UPF2: variants seen among roughly 807,000 people sequenced by gnomAD.
UPF2 encodes the protein regulator of nonsense transcripts 2.
UPF2 carries 17 observed loss-of-function variants against 141.4 expected under a neutral mutation model. The ratio of observed to expected loss-of-function variants is 0.12; its 90% CI spans 0.08 to 0.18. UPF2 has a LOEUF of 0.18. UPF2 is among the 10% of genes least tolerant of loss of function. The probability of loss-of-function intolerance (pLI) is 1.00; values close to 1 mark genes in which losing one functional copy is unlikely to be tolerated. For missense variants in UPF2, 1,152 were observed against 1,515.9 expected (o/e 0.76, Z 3.99); for synonymous variants, 540 against 498.0 (o/e 1.08, Z -1.12).
Position 11,997,715 on chromosome 10 carries a change from T to C in UPF2, c.1801A>G (p.Arg601Gly). ...AAGAGTGCCCGTACCAACTTCTTCC[T>C]GTTTGCTTTTGTGTTCATGTTCATG... ...FCMNMNTKAN[R>G]KKLVRALFIV... Residue 601 changes from arginine (R) to glycine (G), a missense_variant, in exon 8 of 22, where the codon AGG becomes GGG. Transcript: ENST00000357604. The C allele has an allele frequency of 6.2e-7, 1 of 1,613,916 alleles. No homozygotes were observed. Among genetic ancestry groups the C allele is most frequent in the Non-Finnish European group, 8.5e-7 (1 of 1,179,876 alleles).
chr10:11,985,377 C>G (rs1833670362), intron 8 of UPF2, among the ~76,000 whole-genome samples: 1 of 152,150 alleles, frequency 6.6e-6, no homozygotes, highest in African/African-American at 2.4e-5. Flanking sequence ...GTGGCTCACG[C>G]CTGTAATCCC....
intron 18 of UPF2, among the ~76,000 whole-genome samples, chr10:11,941,105 T>C (rs1235972695): frequency 2.6e-5 from 4 of 152,230 alleles, no homozygotes; most frequent in African/African-American, 7.2e-5. Flanking sequence ...GTTAAATATC[T>C]ACCTTCTGTT....
chr10:11,934,161 T>C (rs191194212), intron 19 of UPF2, among the ~76,000 whole-genome samples: 19 of 152,272 alleles, frequency 1.2e-4, no homozygotes, highest in Admixed American at 9.8e-4. Context: ...ATAACTGAAA[T>C]AGTAAAGTCT....
intron 4 of UPF2, among the ~76,000 whole-genome samples, chr10:12,012,351 C>A (rs963423367): frequency 1.3e-5 from 2 of 152,000 alleles, no homozygotes; most frequent in African/African-American, 4.8e-5. Flanking sequence ...CGTGAGCCAC[C>A]GCACCCAGCC....
At chr10:12,002,086 C>A (rs1234476254) in intron 5 of UPF2, among the ~76,000 whole-genome samples, 1 of 152,086 alleles carries the variant, frequency 6.6e-6, no homozygotes, top group Non-Finnish European at 1.5e-5. Flanking sequence ...GCCTGACCAA[C>A]ATGGTGAAAC....
In UPF2 at chr10:11,931,142, C is replaced by T. The variant is rs1003810213; in HGVS notation, c.3688+499G>A. Among the ~76,000 whole-genome samples, 10 of 152,134 alleles carry T rather than the reference C, an allele frequency of 6.6e-5. No homozygotes were observed. Among genetic ancestry groups the T allele is most frequent in the African/African-American group, 1.9e-4 (8 of 41,432 alleles). On this transcript the variant is annotated intron_variant, in intron 20 of 21. Coordinates refer to ENST00000357604, the MANE Select transcript of UPF2 (RefSeq NM_015542.4). This position sits in a 1 kb window ranked among gnomAD's most constrained non-coding sequence, Gnocchi z 5.9. ...AAAGGAGGTAAATACAGTCGTGTGC[C>T]GCGTGACCATGTTCCAGACAATGAC... is the stretch of plus-strand genomic sequence containing the variant.
At chr10:12,034,909 G>T in intron 2 of UPF2, 150 bp downstream of exon 2, 1 of 1,158,990 alleles carries the variant, frequency 8.6e-7, no homozygotes, top group Non-Finnish European at 1.2e-6. Flanking sequence ...CATGCCTCTA[G>T]TCAGTGAAAC....
intron 8 of UPF2, among the ~76,000 whole-genome samples, chr10:11,993,294 T>C (rs1833811892): frequency 6.6e-6 from 1 of 152,058 alleles, no homozygotes; most frequent in Non-Finnish European, 1.5e-5. Flanking sequence ...TTAAGTTTTA[T>C]CTATACAACA....
At chr10:11,922,880 T>TA (rs113101823) in intron 21 of UPF2, among the ~76,000 whole-genome samples, 19 of 151,750 alleles carry the variant, frequency 1.3e-4, no homozygotes, top group African/African-American at 4.1e-4. Context: ...CCACTAAAAA[T>TA]AAAAAAAATT....
chr10:11,946,749 T>C (rs1048257495), intron 16 of UPF2, among the ~76,000 whole-genome samples: 1 of 152,234 alleles, frequency 6.6e-6, no homozygotes, highest in Non-Finnish European at 1.5e-5. Context: ...GATCGACTTT[T>C]TTTTTCAATT....
At chr10:11,964,850 A>T (rs1224669410) in intron 10 of UPF2, among the ~76,000 whole-genome samples, 7 of 152,330 alleles carry the variant, frequency 4.6e-5, no homozygotes, top group Admixed American at 4.6e-4. Flanking sequence ...AGATTGTGGA[A>T]TACAGTATTT....
chr10:12,009,061 T>C (rs931042169), intron 4 of UPF2, among the ~76,000 whole-genome samples: 4 of 152,220 alleles, frequency 2.6e-5, no homozygotes, highest in Admixed American at 1.3e-4. Context: ...ATGGTGTATA[T>C]GTACCACATT....
At position 12,004,602 on chromosome 10, in the gene UPF2, C is replaced by T; in HGVS notation, c.1432G>A (p.Val478Ile). 1 of 1,613,750 alleles carries T rather than the reference C, an allele frequency of 6.2e-7. No individual in the cohort carries two copies. The highest frequency in any genetic ancestry group is 8.5e-7 in the Non-Finnish European group (1 of 1,179,850). The change falls in exon 5 of 22, where the codon GTC (valine) becomes ATC (isoleucine). Residue 478 changes from valine (V) to isoleucine (I), a missense_variant. Coordinates refer to ENST00000357604, the MANE Select transcript of UPF2 (RefSeq NM_015542.4). The part of the protein sequence containing the change: ...YENLIDLKAF[V>I]PAILFKDNEK... ...TTGTCTTTAAACAAGATGGCTGGGACAAAAGCCTTCAAATCAATGAGGTTC... is the reference window on the plus strand; with the variant it reads ...TTGTCTTTAAACAAGATGGCTGGGATAAAAGCCTTCAAATCAATGAGGTTC...
Position 12,035,207 on chromosome 10 carries a change from T to TGCGTTCCTTGTCTTCCTTTTTTCTC in UPF2, c.192_216dup (p.Lys73GlufsTer82). On this transcript the variant is annotated frameshift_variant, in exon 2 of 22. Coordinates refer to ENST00000357604, the MANE Select transcript of UPF2 (RefSeq NM_015542.4). LOFTEE classifies it high-confidence loss of function. ...TTCACCTTTTCTTCGTCTTTTTTCT[T>TGCGTTCCTTGTCTTCCTTTTTTCTC]GCGTTCCTTGTCTTCCTTTTTTCTC... 1 of 1,613,772 alleles carries TGCGTTCCTTGTCTTCCTTTTTTCTC rather than the reference T, an allele frequency of 6.2e-7. No individual in the cohort carries two copies. Among genetic ancestry groups the TGCGTTCCTTGTCTTCCTTTTTTCTC allele is most frequent in the Non-Finnish European group, 8.5e-7 (1 of 1,179,994 alleles).
Position 11,959,715 on chromosome 10 carries a change from G to A in UPF2, c.2185-359C>T, listed in dbSNP as rs1483850204. Among the ~76,000 whole-genome samples the A allele has an allele frequency of 6.6e-6, 1 of 152,070 alleles. No homozygotes were observed. Among genetic ancestry groups the A allele is most frequent in the African/African-American group, 2.4e-5 (1 of 41,418 alleles). ...GTGGAGGCTGCAGTAAGCCATGACT[G>A]GCACTGCACTCCAGCCTGGGCAACA... On this transcript the variant is annotated intron_variant, in intron 11 of 21. Coordinates refer to ENST00000357604, the MANE Select transcript of UPF2 (RefSeq NM_015542.4). The surrounding 1 kb of genome is among the most constrained non-coding windows in gnomAD (Gnocchi z 5.9).
chr10:12,040,935 T>C (rs1834725160), intron 1 of UPF2, among the ~76,000 whole-genome samples: 1 of 152,200 alleles, frequency 6.6e-6, no homozygotes, highest in Non-Finnish European at 1.5e-5. Context: ...TTTTATCTAC[T>C]TCTATCCTCA....
chr10:12,038,917 TCGGCCTTCCAAAG>T (rs1834684756), intron 1 of UPF2, among the ~76,000 whole-genome samples: 1 of 151,280 alleles, frequency 6.6e-6, no homozygotes, highest in Non-Finnish European at 1.5e-5. Flanking sequence ...TCCTCCCGCC[TCGGCCTTCCAAAG>T]TGCTAGGATT....
intron 4 of UPF2, 127 bp from the exon 5 acceptor site, chr10:12,004,854 C>A: frequency 1.2e-6 from 1 of 859,574 alleles, no homozygotes; most frequent in Admixed American, 3.1e-5. Flanking sequence ...GGAACTTCTT[C>A]AATTAACAAG....
At chr10:11,960,067 T>C (rs2131195308) in intron 11 of UPF2, among the ~76,000 whole-genome samples, 1 of 152,254 alleles carries the variant, frequency 6.6e-6, no homozygotes, top group Non-Finnish European at 1.5e-5. Flanking sequence ...ACTACTGACA[T>C]TTCGAATTGG....
Sources: gnomAD v4.1 joint callset for allele counts (sites outside exome capture counted in the v4.1 genomes callset) on GRCh38, gnomAD v4.1.1 for gene constraint, Gnocchi (gnomAD v3.1) non-coding constraint, MANE v1.5 for transcripts, NCBI Gene and HGNC (gene_info 2026-07-23, HGNC 2026-07-21) for gene names.